TRARG1: variants seen among roughly 807,000 people sequenced by gnomAD.
The protein encoded by TRARG1 is trafficking regulator of GLUT4 1.
In TRARG1, 16 loss-of-function variants were observed where a neutral mutation model predicts 13.3. The observed-to-expected ratio is 1.20, with a 90% CI of 0.81 to 1.83. TRARG1 has a LOEUF of 1.83. TRARG1 is among the 40% of genes most tolerant of loss of function. The pLI, the probability that TRARG1 is intolerant of heterozygous loss-of-function variation, is 0.00. For synonymous variants in TRARG1, 113 were observed against 106.2 expected (o/e 1.06, Z -0.39); for missense variants, 250 against 237.4 (o/e 1.05, Z -0.35).
intron 1 of TRARG1, among the ~76,000 whole-genome samples, chr17:1,283,818 A>AAT (rs1555631066): frequency 1.4e-5 from 2 of 144,462 alleles, no homozygotes; most frequent in African/African-American, 5.3e-5. Flanking sequence ...CAAAAAAAAT[A>AAT]AAATAAAATA....
intron 1 of TRARG1, among the ~76,000 whole-genome samples, chr17:1,281,991 T>C (rs528071415): frequency 5.1e-4 from 77 of 151,720 alleles, no homozygotes; most frequent in South Asian, 1.7e-3. Context: ...TATATGTACA[T>C]ATATACAGAT....
intron 1 of TRARG1, among the ~76,000 whole-genome samples, 165 bp from the exon 2 acceptor site, chr17:1,295,326 C>T (rs927614781): frequency 2.6e-5 from 4 of 152,204 alleles, no homozygotes; most frequent in African/African-American, 9.6e-5. Flanking sequence ...CTGGCCACTT[C>T]TCCGGGGACA....
Position 1,280,213 on chromosome 17 carries a change from A to G in TRARG1, c.212A>G (p.Glu71Gly), listed in dbSNP as rs780938203. Reference sequence around the variant, plus strand: ...AAGGCCATCTCCGAGGGGCACCTGGAGGCCCCACTGCCTCGGTCCCCCTCC... The same window carrying G: ...AAGGCCATCTCCGAGGGGCACCTGGGGGCCCCACTGCCTCGGTCCCCCTCC... ...PFKAISEGHLEAPLPRSPSRA... is the reference protein window; with the variant it reads ...PFKAISEGHLGAPLPRSPSRA... Residue 71 changes from glutamate (E) to glycine (G), a missense_variant, in exon 1 of 3, where the codon GAG (glutamate) becomes GGG (glycine). By Grantham distance (98) the Glu-to-Gly change is moderately conservative. Transcript: ENST00000333813. 36 of 1,613,956 alleles carry G rather than the reference A, an allele frequency of 2.2e-5. No individual in the cohort carries two copies. In the South Asian group the frequency reaches 3.3e-4, roughly 15 times the overall value.
intron 1 of TRARG1, among the ~76,000 whole-genome samples, chr17:1,292,980 G>A (rs926243875): frequency 1.3e-5 from 2 of 152,054 alleles, no homozygotes; most frequent in East Asian, 1.9e-4. Context: ...AGAGACTGGT[G>A]CTGGGGAGAT....
rs1327951523 is a variant in TRARG1, at chr17:1,295,584, A to G, written c.481A>G (p.Ile161Val). Reference protein sequence around the residue: ...LLSITLIIMGIVIIMVAVTVN... With the variant: ...LLSITLIIMGVVIIMVAVTVN... ...CAGCATTACCCTCATCATCATGGGC[A>G]TCGTCATTATCATGGTGGCCGTGAC... is the stretch of plus-strand genomic sequence containing the variant. The change falls in exon 2 of 3, where the codon ATC (isoleucine) becomes GTC (valine). Residue 161 changes from isoleucine (I) to valine (V), a missense_variant. Coordinates refer to ENST00000333813, the MANE Select transcript of TRARG1 (RefSeq NM_172367.3). The G allele has an allele frequency of 1.2e-6, 2 of 1,613,228 alleles. No homozygotes were observed. The highest frequency in any genetic ancestry group is 1.7e-5 in the Admixed American group (1 of 59,956).
In TRARG1 at chr17:1,279,676, G is replaced by C. The variant is rs2071957055; in HGVS notation, c.-326G>C. The C allele has an allele frequency of 1.2e-5, 4 of 321,410 alleles. No homozygotes were observed. In the South Asian group the frequency reaches 1.9e-4, roughly 15 times the overall value. The allele number at this position is 321,410 out of a possible 1,614,324, so 19.9% of individuals were successfully genotyped here. A position where few individuals can be genotyped will look rare whatever the true frequency, so the allele number is the denominator to read the frequency against. On this transcript the variant is annotated 5_prime_UTR_variant, in exon 1 of 3. Coordinates refer to ENST00000333813, the MANE Select transcript of TRARG1 (RefSeq NM_172367.3). ...TGGGAAGAGGCGCATTCTTCTCTCT[G>C]CTCTCTGAGCTTTCCGTTGCTTCCC...
At chr17:1,290,545 C>T (rs749098145) in intron 1 of TRARG1, among the ~76,000 whole-genome samples, 1 of 152,148 alleles carries the variant, frequency 6.6e-6, no homozygotes, top group African/African-American at 2.4e-5. Context: ...ATCTGCCCAC[C>T]TTGGCCTCCC....
In TRARG1 at chr17:1,280,298, A is replaced by G. The variant is rs375631172; in HGVS notation, c.297A>G (p.Glu99=). The change falls in exon 1 of 3, where the codon GAA becomes GAG. Residue 99 remains glutamate (E), a synonymous_variant. Transcript: ENST00000333813. ...IATTSYAQDQ[E]APRDYLILAV... The stretch of plus-strand genomic sequence containing the variant: ...CCACCTCCTATGCCCAAGACCAAGA[A>G]GCCCCCAGAGATTACCTCATCCTGG... 2.5e-6 allele frequency: 4 copies of G among 1,614,004 alleles called. No homozygotes were observed. The African/African-American group carries it at 5.3e-5, about 22-fold the overall frequency.
chr17:1,281,599 G>A (rs1353589174), intron 1 of TRARG1, among the ~76,000 whole-genome samples: 3 of 152,154 alleles, frequency 2.0e-5, no homozygotes, highest in Admixed American at 6.5e-5. Flanking sequence ...CATGGGCTGT[G>A]GAAGCAGGGC....
intron 1 of TRARG1, among the ~76,000 whole-genome samples, chr17:1,293,887 T>C (rs957249601): frequency 1.3e-5 from 2 of 152,034 alleles, no homozygotes; most frequent in Non-Finnish European, 2.9e-5. Flanking sequence ...CTCAGTTTCT[T>C]CCTCAGGGAG....
At position 1,286,946 on chromosome 17, in the gene TRARG1, A is replaced by C. The variant is rs1212160943; in HGVS notation, c.387+6558A>C. Reference sequence around the variant, plus strand: ...CAGACATGCATATCAGGTCAACCCAAGTCTGAGGATGGCAGAGTTGCTGTG... The same window carrying C: ...CAGACATGCATATCAGGTCAACCCACGTCTGAGGATGGCAGAGTTGCTGTG... On this transcript the variant is annotated intron_variant, in intron 1 of 2. Coordinates refer to ENST00000333813, the MANE Select transcript of TRARG1 (RefSeq NM_172367.3). 2.0e-5 allele frequency among the ~76,000 whole-genome samples: 3 copies of C among 149,934 alleles called. No individual in the cohort carries two copies. The East Asian group carries it at 5.8e-4, about 29-fold the overall frequency.
At chr17:1,280,946 A>G (rs543705735) in intron 1 of TRARG1, among the ~76,000 whole-genome samples, 1 of 152,316 alleles carries the variant, frequency 6.6e-6, no homozygotes, top group African/African-American at 2.4e-5. Context: ...GAGAGCTGGC[A>G]GACTGCTCCT....
chr17:1,286,867 G>A (rs1331288605), intron 1 of TRARG1, among the ~76,000 whole-genome samples: 1 of 151,208 alleles, frequency 6.6e-6, no homozygotes, highest in African/African-American at 2.4e-5. Context: ...GGCCTGTGGA[G>A]TGTTGTTATT....
At chr17:1,282,029 C>A (rs900613118) in intron 1 of TRARG1, among the ~76,000 whole-genome samples, 31 of 136,672 alleles carry the variant, frequency 2.3e-4, no homozygotes, top group Non-Finnish European at 2.8e-4. Context: ...TACATATGTA[C>A]ATATATACAC....
rs1332986088 is a variant in TRARG1 at position 1,280,173 on chromosome 17, C to T, written c.172C>T (p.Gln58Ter). 2 of 1,614,084 alleles carry T rather than the reference C, an allele frequency of 1.2e-6. No individual in the cohort carries two copies. The highest frequency in any genetic ancestry group is 1.7e-6 in the Non-Finnish European group (2 of 1,179,986). The change falls in exon 1 of 3, where the codon CAG becomes TAG. Residue 58 changes from glutamine (Q) to a stop codon, truncating the protein, a stop_gained. Transcript: ENST00000333813. LOFTEE classifies it high-confidence loss of function. ...GCCTCTGGATCTGGAGCAGAACAGC[C>T]AGGGCCTACCCTTCAAGGCCATCTC... Reference protein sequence around the residue: ...SGPLDLEQNSQGLPFKAISEG... With the variant: ...SGPLDLEQNS
At position 1,300,672 on chromosome 17, in the gene TRARG1, G is replaced by C. The variant is rs987779112; in HGVS notation, c.*2408G>C. Reference sequence around the variant, plus strand: ...AGGAGGCGGAGGCCCGCAGAGCACAGAGCAGGAGAAGGGCTTGGGCCCTGG... The same window carrying C: ...AGGAGGCGGAGGCCCGCAGAGCACACAGCAGGAGAAGGGCTTGGGCCCTGG... On this transcript the variant is annotated 3_prime_UTR_variant, in exon 3 of 3. Transcript: ENST00000333813. 6.6e-6 allele frequency: 1 copy of C among 152,654 alleles called. No homozygotes were observed. Among genetic ancestry groups the C allele is most frequent in the Non-Finnish European group, 1.5e-5 (1 of 68,378 alleles). 9.5% of individuals were successfully genotyped at this position (152,654 alleles called of 1,614,324 possible).
chr17:1,289,637 C>T (rs11657554), intron 1 of TRARG1, among the ~76,000 whole-genome samples: 21,062 of 150,826 alleles, frequency 0.14, 1,758 homozygotes, highest in Admixed American at 0.23. Flanking sequence ...CCTCAGGCTC[C>T]CTTGCAGCCT....
intron 1 of TRARG1, 129 bp from the exon 2 acceptor site, chr17:1,295,362 G>C: frequency 8.2e-7 from 1 of 1,213,574 alleles, no homozygotes. Context: ...CCTAGAGTGT[G>C]GGCTGCCATG....
Position 1,298,237 on chromosome 17 carries a change from T to C in TRARG1, c.521-14T>C, listed in dbSNP as rs116002593. Reference sequence around the variant, plus strand: ...TGAGCCCTGTTCTGCCATATCTGTTTTTTTTCTTTACAGTTCAGAAGAAAT... The same window carrying C: ...TGAGCCCTGTTCTGCCATATCTGTTCTTTTTCTTTACAGTTCAGAAGAAAT... On this transcript the variant is annotated splice_polypyrimidine_tract_variant and intron_variant, in intron 2 of 2. Transcript: ENST00000333813. The C allele has an allele frequency of 1.6e-3, 2,622 of 1,613,850 alleles. 30 individuals are homozygous for C. The African/African-American group carries it at 0.027, about 17-fold the overall frequency.
Sources: allele counts gnomAD v4.1 joint callset (sites outside exome capture counted in the v4.1 genomes callset), GRCh38; gene constraint gnomAD v4.1.1; transcripts MANE v1.5; gene names NCBI Gene and HGNC (gene_info 2026-07-23, HGNC 2026-07-21).